Variants in SNN observed in about 807,000 individuals in gnomAD.
The protein encoded by SNN is stannin, also known as AG8_1.
Under a neutral mutation model 5.3 loss-of-function variants are expected in SNN, and 5 were observed. That is an observed-to-expected ratio of 0.94 (90% confidence interval 0.49 to 1.97). The LOEUF is 1.97. SNN is among the 30% of genes most tolerant of loss of function. The pLI is 0.01. For missense variants in SNN, 127 were observed against 121.6 expected, an observed-to-expected ratio of 1.04 and a Z score of -0.21; for synonymous variants, 67 against 52.1, an observed-to-expected ratio of 1.29 and a Z score of -1.24.
rs1053567697 is a variant in SNN, at chr16:11,671,132, G to A, written c.-86+2592G>A. Among the ~76,000 whole-genome samples, 2 of 152,214 alleles carry A rather than the reference G, an allele frequency of 1.3e-5. No homozygotes were observed. Among genetic ancestry groups the A allele is most frequent in the African/African-American group, 4.8e-5 (2 of 41,454 alleles). ...CTTGGGACATGTGTGGGCTCTGCCG[G>A]GAGACAGAGTGTGTCCTGTGCTGCA... On this transcript the variant is annotated intron_variant, in intron 1 of 1. Transcript: ENST00000329565. The surrounding 1 kb of genome is among the most constrained non-coding windows in gnomAD (Gnocchi z 4.7).
chr16:11,674,083 A>G (rs1404330408), intron 1 of SNN, among the ~76,000 whole-genome samples: 1 of 152,128 alleles, frequency 6.6e-6, no homozygotes, highest in Non-Finnish European at 1.5e-5. Flanking sequence ...GGTAAGAATC[A>G]TTTCTCCTTA....
rs1226234444 is a variant in SNN at position 11,672,879 on chromosome 16, C to T, written c.-85-3096C>T. Among the ~76,000 whole-genome samples the T allele has an allele frequency of 6.6e-6, 1 of 152,204 alleles. No individual in the cohort carries two copies. Among genetic ancestry groups the T allele is most frequent in the Non-Finnish European group, 1.5e-5 (1 of 68,042 alleles). ...GAACTGGGGCCCTTGAACTCAGGTG[C>T]CTCCTGGCCTGCCCACCTGGCTTTG... On this transcript the variant is annotated intron_variant, in intron 1 of 1. Transcript: ENST00000329565. This position sits in a 1 kb window ranked among gnomAD's most constrained non-coding sequence, Gnocchi z 6.0.
rs1166300832 is a variant in SNN at position 11,677,004 on chromosome 16, G to T, written c.*678G>T. 6.0e-6 allele frequency: 1 copy of T among 167,252 alleles called. No homozygotes were observed. The highest frequency in any genetic ancestry group is 2.4e-5 in the African/African-American group (1 of 41,460). The allele number at this position is 167,252 out of a possible 1,614,324, so 10.4% of individuals were successfully genotyped here. On this transcript the variant is annotated 3_prime_UTR_variant, in exon 2 of 2. Coordinates refer to ENST00000329565, the MANE Select transcript of SNN (RefSeq NM_003498.6). The surrounding 1 kb of genome is among the most constrained non-coding windows in gnomAD (Gnocchi z 4.2). ...GACTCACTTGTTAAATAGCAGTTCTGTTGAGAGTGGAGTTACTGCAGGGAA... is the reference window on the plus strand; with the variant it reads ...GACTCACTTGTTAAATAGCAGTTCTTTTGAGAGTGGAGTTACTGCAGGGAA...
At chr16:11,673,501 C>A (rs931875090) in intron 1 of SNN, among the ~76,000 whole-genome samples, 1 of 152,184 alleles carries the variant, frequency 6.6e-6, no homozygotes, top group Non-Finnish European at 1.5e-5. Flanking sequence ...TTTCTCCAGC[C>A]GGGCCATCTG....
In SNN at chr16:11,676,299, T is replaced by C; in HGVS notation, c.240T>C (p.Thr80=). Residue 80 remains threonine, a synonymous_variant, in exon 2 of 2, where the codon ACT becomes ACC. Coordinates refer to ENST00000329565, the MANE Select transcript of SNN (RefSeq NM_003498.6). ...PCVERKAKLM[T]PNGPEVHG ...TGGAGAGAAAGGCCAAGCTGATGAC[T>C]CCCAACGGCCCGGAAGTCCACGGCT... 1.9e-6 allele frequency: 3 copies of C among 1,613,866 alleles called. No individual in the cohort carries two copies. The highest frequency in any genetic ancestry group is 2.5e-6 in the Non-Finnish European group (3 of 1,179,840).
intron 1 of SNN, among the ~76,000 whole-genome samples, chr16:11,669,068 G>A (rs1460855991): frequency 1.3e-5 from 2 of 152,122 alleles, no homozygotes; most frequent in Admixed American, 1.3e-4. Context: ...CCCACACCCC[G>A]CCTCCGTCGG....
chr16:11,673,001 T>C (rs1393600987), intron 1 of SNN, among the ~76,000 whole-genome samples: 1 of 152,088 alleles, frequency 6.6e-6, no homozygotes, highest in African/African-American at 2.4e-5. Flanking sequence ...CCCTTCCGAA[T>C]TGATACTGAC....
At position 11,676,358 on chromosome 16, in the gene SNN, A is replaced by C; in HGVS notation, c.*32A>C. On this transcript the variant is annotated 3_prime_UTR_variant, in exon 2 of 2. Transcript: ENST00000329565. ...ATGCAAGGCTCCTGGTCCTGTTTGC[A>C]GCCGGCCAAGAGGCGCTGGGAGGGG... 1 of 1,598,710 alleles carries C rather than the reference A, an allele frequency of 6.3e-7. No individual in the cohort carries two copies. The highest frequency in any genetic ancestry group is 1.1e-5 in the South Asian group (1 of 90,338).
Position 11,678,951 on chromosome 16 carries a change from T to C in SNN, c.*2625T>C, listed in dbSNP as rs1378209785. On this transcript the variant is annotated 3_prime_UTR_variant, in exon 2 of 2. Transcript: ENST00000329565. The stretch of plus-strand genomic sequence containing the variant: ...AACTCTTGACACTGAGCCACTAAAA[T>C]ATGGACTAATTTTTTGGACAAATCT... 2.0e-6 allele frequency: 1 copy of C among 512,460 alleles called. No individual in the cohort carries two copies. The highest frequency in any genetic ancestry group is 3.5e-6 in the Non-Finnish European group (1 of 283,534). The allele number at this position is 512,460 out of a possible 1,614,324, so 31.7% of individuals were successfully genotyped here. A position where few individuals can be genotyped will look rare whatever the true frequency, so the allele number is the denominator to read the frequency against.
Position 11,673,075 on chromosome 16 carries a change from G to T in SNN, c.-85-2900G>T, listed in dbSNP as rs377730538. ...CCCCAGCAGGCCCTGGGAACCAGAG[G>T]TGCAGGGGAGAGGGAGGTGGGAGGT... On this transcript the variant is annotated intron_variant, in intron 1 of 1. Coordinates refer to ENST00000329565, the MANE Select transcript of SNN (RefSeq NM_003498.6). 2.0e-5 allele frequency among the ~76,000 whole-genome samples: 3 copies of T among 152,312 alleles called. No individual in the cohort carries two copies. The East Asian group carries it at 5.8e-4, about 29-fold the overall frequency.
rs900194119 is a variant in SNN, at chr16:11,678,097, C to T, written c.*1771C>T. ...ACCTTAGGAAGCAGGAGAGGCAACA[C>T]CTCTGGCTACTGATGGTGTGGCAAG... On this transcript the variant is annotated 3_prime_UTR_variant, in exon 2 of 2. Transcript: ENST00000329565. The T allele has an allele frequency of 1.8e-5, 3 of 167,068 alleles. No individual in the cohort carries two copies. The East Asian group carries it at 5.8e-4, about 32-fold the overall frequency. The allele number at this position is 167,068 out of a possible 1,614,324, so 10.3% of individuals were successfully genotyped here. A position where few individuals can be genotyped will look rare whatever the true frequency, so the allele number is the denominator to read the frequency against.
rs1299705821 is a variant in SNN at position 11,676,836 on chromosome 16, C to T, written c.*510C>T. On this transcript the variant is annotated 3_prime_UTR_variant, in exon 2 of 2. Transcript: ENST00000329565. ...CTCGGCAGGGGTCTCTCATGTGTGT[C>T]CATCTGCGTGTATGTCAAGGAAGTG... 3 of 170,742 alleles carry T rather than the reference C, an allele frequency of 1.8e-5. No individual in the cohort carries two copies. In the Admixed American group the frequency reaches 1.9e-4, roughly 11 times the overall value. The allele number at this position is 170,742 out of a possible 1,614,324, so 10.6% of individuals were successfully genotyped here. A position where few individuals can be genotyped will look rare whatever the true frequency, so the allele number is the denominator to read the frequency against.
At position 11,678,884 on chromosome 16, in the gene SNN, C is replaced by T; in HGVS notation, c.*2558C>T. 1 of 314,310 alleles carries T rather than the reference C, an allele frequency of 3.2e-6. No individual in the cohort carries two copies. The highest frequency in any genetic ancestry group is 4.3e-5 in the South Asian group (1 of 23,014). The allele number at this position is 314,310 out of a possible 1,614,324, so 19.5% of individuals were successfully genotyped here. A position where few individuals can be genotyped will look rare whatever the true frequency, so the allele number is the denominator to read the frequency against. ...ACTAATAAGAAATTAAGCATTCATC[C>T]TTCGTATCACTGCAGAAGCAACAGT... is the stretch of plus-strand genomic sequence containing the variant. On this transcript the variant is annotated 3_prime_UTR_variant, in exon 2 of 2. Coordinates refer to ENST00000329565, the MANE Select transcript of SNN (RefSeq NM_003498.6).
Position 11,678,896 on chromosome 16 carries a change from G to A in SNN, c.*2570G>A. 1 of 379,542 alleles carries A rather than the reference G, an allele frequency of 2.6e-6. No homozygotes were observed. The highest frequency in any genetic ancestry group is 5.0e-6 in the Non-Finnish European group (1 of 200,640). 23.5% of individuals were successfully genotyped at this position (379,542 alleles called of 1,614,324 possible). A position where few individuals can be genotyped will look rare whatever the true frequency, so the allele number is the denominator to read the frequency against. ...TTAAGCATTCATCCTTCGTATCACTGCAGAAGCAACAGTGGGGGCACAGGG... is the reference window on the plus strand; with the variant it reads ...TTAAGCATTCATCCTTCGTATCACTACAGAAGCAACAGTGGGGGCACAGGG... On this transcript the variant is annotated 3_prime_UTR_variant, in exon 2 of 2. Transcript: ENST00000329565.
rs2141945672 is a variant in SNN at position 11,679,117 on chromosome 16, T to C, written c.*2791T>C. The C allele has an allele frequency of 1.4e-6, 2 of 1,440,072 alleles. No homozygotes were observed. The highest frequency in any genetic ancestry group is 4.5e-5 in the Admixed American group (2 of 44,266). 89.2% of individuals were successfully genotyped at this position (1,440,072 alleles called of 1,614,324 possible). On this transcript the variant is annotated 3_prime_UTR_variant, in exon 2 of 2. Transcript: ENST00000329565. This position sits in a 1 kb window ranked among gnomAD's most constrained non-coding sequence, Gnocchi z 4.6. ...CCACTGAGAAAATCTTTATTTACAATAAATTTCAATAAAATTTGCATAAAT... is the reference window on the plus strand; with the variant it reads ...CCACTGAGAAAATCTTTATTTACAACAAATTTCAATAAAATTTGCATAAAT...
intron 1 of SNN, among the ~76,000 whole-genome samples, chr16:11,669,705 T>TGG (rs1184172157): frequency 6.6e-6 from 1 of 152,182 alleles, no homozygotes; most frequent in Non-Finnish European, 1.5e-5. Context: ...AGGCCAACCC[T>TGG]GGGGCAGCCT....
chr16:11,671,096 AGTT>A lies in SNN; in HGVS notation c.-86+2560_-86+2562del, dbSNP rs1456755787. Among the ~76,000 whole-genome samples, 2 of 152,248 alleles carry A rather than the reference AGTT, an allele frequency of 1.3e-5. No individual in the cohort carries two copies. The highest frequency in any genetic ancestry group is 1.3e-4 in the Admixed American group (2 of 15,290). On this transcript the variant is annotated intron_variant, in intron 1 of 1. Coordinates refer to ENST00000329565, the MANE Select transcript of SNN (RefSeq NM_003498.6). This position sits in a 1 kb window ranked among gnomAD's most constrained non-coding sequence, Gnocchi z 4.7. ...CTGGCATGGCTCAGGCTTGTCTTGC[AGTT>A]GTTATTCCTTGGGACATGTGTGGGC... is the stretch of plus-strand genomic sequence containing the variant.
intron 1 of SNN, among the ~76,000 whole-genome samples, chr16:11,670,410 G>T (rs1435208784): frequency 6.6e-6 from 1 of 152,190 alleles, no homozygotes; most frequent in Non-Finnish European, 1.5e-5. Context: ...CCTGGGGAAG[G>T]GGTGTTTGTG....
rs1050068 is a variant in SNN at position 11,676,092 on chromosome 16, C to T, written c.33C>T (p.Gly11=). 706,657 of 1,611,518 alleles carry T rather than the reference C, an allele frequency of 0.44. 164,352 individuals are homozygous for T. The highest frequency in any genetic ancestry group is 0.48 in the Non-Finnish European group (569,204 of 1,178,138). The stretch of plus-strand genomic sequence containing the variant: ...TTATGGACCACAGCCCCACCACGGG[C>T]GTGGTCACAGTCATCGTCATCCTCA... MSIMDHSPTT[G]VVTVIVILIA... The change falls in exon 2 of 2, where the codon GGC becomes GGT. Residue 11 remains glycine (G), a synonymous_variant. Transcript: ENST00000329565.
Sources: gnomAD v4.1 joint callset for allele counts (sites outside exome capture counted in the v4.1 genomes callset) on GRCh38, gnomAD v4.1.1 for gene constraint, Gnocchi (gnomAD v3.1) non-coding constraint, MANE v1.5 for transcripts, NCBI Gene and HGNC (gene_info 2026-07-23, HGNC 2026-07-21) for gene names.